Variants in B3GALT1 observed in about 807,000 individuals in gnomAD.
B3GALT1 encodes the protein UDP-Gal:betaGlcNAc beta 1,3-galactosyltransferase, polypeptide 1.
A neutral mutation model predicts 23.2 loss-of-function variants in B3GALT1; 10 were observed. The ratio of observed to expected loss-of-function variants is 0.43; its 90% CI spans 0.27 to 0.73. B3GALT1 has a LOEUF of 0.73. Among genes scored for constraint, B3GALT1 ranks in the 30% least tolerant of loss-of-function variants. The pLI is 0.21. For synonymous variants in B3GALT1, 156 were observed against 141.5 expected (o/e 1.10, Z -0.73); for missense variants, 299 against 405.4 (o/e 0.74, Z 2.25).
chr2:167,853,661 AAAG>A (rs1689946752), intron 4 of B3GALT1, among the ~76,000 whole-genome samples: 1 of 152,308 alleles, frequency 6.6e-6, no homozygotes, highest in South Asian at 2.1e-4. Flanking sequence ...AAAAATGGAA[AAAG>A]AATAACAAGT....
intron 1 of B3GALT1, among the ~76,000 whole-genome samples, chr2:167,455,678 A>G (rs1699158902): frequency 6.6e-6 from 1 of 151,820 alleles, no homozygotes; most frequent in African/African-American, 2.4e-5. Flanking sequence ...ACACCCAGCT[A>G]ATTTTTGTAT....
intron 1 of B3GALT1, among the ~76,000 whole-genome samples, chr2:167,485,740 A>T (rs879706964): frequency 7.9e-5 from 12 of 152,210 alleles, no homozygotes; most frequent in Non-Finnish European, 1.6e-4. Context: ...TAAGCCGTAA[A>T]TTTGAACCTC....
chr2:167,652,843 C>G (rs1009651190), intron 3 of B3GALT1, among the ~76,000 whole-genome samples: 1 of 152,144 alleles, frequency 6.6e-6, no homozygotes, highest in Non-Finnish European at 1.5e-5. Flanking sequence ...GTATGTCTTT[C>G]TTTTTATCAC....
intron 2 of B3GALT1, among the ~76,000 whole-genome samples, chr2:167,568,527 GTCT>G (rs1442288302): frequency 1.3e-5 from 2 of 152,008 alleles, no homozygotes; most frequent in South Asian, 4.1e-4. Context: ...GCTCTTGAAT[GTCT>G]TCTTTAGTGA....
At chr2:167,322,644 C>T (rs1696832398) in intron 1 of B3GALT1, among the ~76,000 whole-genome samples, 1 of 151,858 alleles carries the variant, frequency 6.6e-6, no homozygotes, top group Non-Finnish European at 1.5e-5. Flanking sequence ...AGATTCTGAT[C>T]CTTACTTTGG....
chr2:167,435,564 G>A (rs1698771781), intron 1 of B3GALT1, among the ~76,000 whole-genome samples: 1 of 151,752 alleles, frequency 6.6e-6, no homozygotes, highest in Non-Finnish European at 1.5e-5. Context: ...TGTATATCTG[G>A]GAAATGTAAG....
intron 2 of B3GALT1, among the ~76,000 whole-genome samples, chr2:167,636,373 C>T (rs1574182058): frequency 6.6e-6 from 1 of 151,510 alleles, no homozygotes; most frequent in Non-Finnish European, 1.5e-5. Flanking sequence ...TCAGACACTT[C>T]TACACTGTTG....
intron 3 of B3GALT1, among the ~76,000 whole-genome samples, chr2:167,696,919 A>G (rs1248726197): frequency 6.6e-6 from 1 of 152,192 alleles, no homozygotes; most frequent in African/African-American, 2.4e-5. Flanking sequence ...AAAAACAGGT[A>G]TAGTGATTCC....
intron 2 of B3GALT1, among the ~76,000 whole-genome samples, chr2:167,621,712 G>T (rs759461513): frequency 1.3e-5 from 2 of 151,990 alleles, no homozygotes; most frequent in Admixed American, 6.6e-5. Flanking sequence ...TTACCCCCAT[G>T]CTGCTGTTCT....
At chr2:167,396,692 C>CA (rs1698104472) in intron 1 of B3GALT1, among the ~76,000 whole-genome samples, 1 of 151,722 alleles carries the variant, frequency 6.6e-6, no homozygotes, top group Admixed American at 6.6e-5. Flanking sequence ...GAGACATCAA[C>CA]ACAGAAGAGC....
chr2:167,295,658 C>T (rs1161071559), intron 1 of B3GALT1, among the ~76,000 whole-genome samples: 2 of 152,002 alleles, frequency 1.3e-5, no homozygotes, highest in African/African-American at 4.8e-5. Context: ...GCTTTTTCAC[C>T]TTGACATCAA....
chr2:167,586,189 CTT>C (rs1684582010), intron 2 of B3GALT1, among the ~76,000 whole-genome samples: 1 of 152,184 alleles, frequency 6.6e-6, no homozygotes, highest in African/African-American at 2.4e-5. Flanking sequence ...ATAAGAGACT[CTT>C]TGTTTTGAAA....
At chr2:167,727,853 T>C (rs533310628) in intron 3 of B3GALT1, among the ~76,000 whole-genome samples, 1 of 152,192 alleles carries the variant, frequency 6.6e-6, no homozygotes, top group Non-Finnish European at 1.5e-5. Context: ...GTTTTCTGCT[T>C]AATTGTATTA....
At chr2:167,738,149 A>T (rs1156969627) in intron 3 of B3GALT1, among the ~76,000 whole-genome samples, 1 of 152,222 alleles carries the variant, frequency 6.6e-6, no homozygotes, top group East Asian at 1.9e-4. Context: ...GAGTTCTAAA[A>T]TGACAGACAA....
intron 2 of B3GALT1, among the ~76,000 whole-genome samples, chr2:167,500,648 C>A (rs1030650227): frequency 6.7e-6 from 1 of 150,150 alleles, no homozygotes. Flanking sequence ...AAAAAAAATG[C>A]ACATATTGTG....
At chr2:167,611,019 C>T (rs4667958) in intron 2 of B3GALT1, among the ~76,000 whole-genome samples, 116,403 of 151,036 alleles carry the variant, frequency 0.77, 45,236 homozygotes, top group Admixed American at 0.87. Context: ...TGAAGGGTGG[C>T]TGGAGGGAGA....
chr2:167,761,147 A>C (rs867746454), intron 3 of B3GALT1, among the ~76,000 whole-genome samples: 2 of 152,368 alleles, frequency 1.3e-5, no homozygotes, highest in African/African-American at 4.8e-5. Flanking sequence ...ACGTAGTGAT[A>C]GTTTAGCCTG....
intron 1 of B3GALT1, among the ~76,000 whole-genome samples, chr2:167,345,355 G>A (rs73017761): frequency 0.014 from 2,099 of 152,080 alleles, 56 homozygotes; most frequent in African/African-American, 0.048. Context: ...TTTTCTAATG[G>A]AGATTGCTAC....
intron 2 of B3GALT1, among the ~76,000 whole-genome samples, chr2:167,565,713 A>T (rs1269444694): frequency 2.0e-5 from 3 of 152,392 alleles, no homozygotes; most frequent in Admixed American, 6.5e-5. Flanking sequence ...CACTTCTCAC[A>T]AGAAGACATT....
Sources: allele counts gnomAD v4.1 joint callset (sites outside exome capture counted in the v4.1 genomes callset), GRCh38; gene constraint gnomAD v4.1.1; transcripts MANE v1.5; gene names NCBI Gene and HGNC (gene_info 2026-07-23, HGNC 2026-07-21).